ATRN: variants seen among roughly 807,000 people sequenced by gnomAD.
ATRN encodes attractin.
A neutral mutation model predicts 178.7 loss-of-function variants in ATRN; 54 were observed. The ratio of observed to expected loss-of-function variants is 0.30; its 90% CI spans 0.24 to 0.38. The LOEUF is 0.38. Among genes scored for constraint, ATRN ranks in the 10% least tolerant of loss-of-function variants. ATRN has a pLI of 1.00. For synonymous variants in ATRN, 636 were observed against 663.0 expected (o/e 0.96, Z 0.63); for missense variants, 1,443 against 1,815.1 (o/e 0.79, Z 3.73).
intron 24 of ATRN, among the ~76,000 whole-genome samples, chr20:3,618,862 G>GA (rs1265589088): frequency 6.6e-6 from 1 of 151,984 alleles, no homozygotes; most frequent in Non-Finnish European, 1.5e-5. Context: ...CGTTTTTTAA[G>GA]AAAAAAGGAA....
At chr20:3,576,369 A>C (rs947914934) in intron 13 of ATRN, among the ~76,000 whole-genome samples, 1 of 152,208 alleles carries the variant, frequency 6.6e-6, no homozygotes, top group Non-Finnish European at 1.5e-5. Context: ...GTTTGGCATA[A>C]TCTCACTGCT....
At chr20:3,548,278 T>C (rs2085737222) in intron 5 of ATRN, among the ~76,000 whole-genome samples, 1 of 152,066 alleles carries the variant, frequency 6.6e-6, no homozygotes. Context: ...CAACCATGTG[T>C]AGAAAATATT....
chr20:3,571,720 G>A (rs926570635), intron 11 of ATRN, among the ~76,000 whole-genome samples: 12 of 152,012 alleles, frequency 7.9e-5, no homozygotes, highest in Non-Finnish European at 1.8e-4. Context: ...CTCTATGTTA[G>A]GGATAGTCCT....
At position 3,500,450 on chromosome 20, in the gene ATRN, T is replaced by C. The variant is rs1179402934; in HGVS notation, c.410+28933T>C. 4.7e-4 allele frequency among the ~76,000 whole-genome samples: 71 copies of C among 151,756 alleles called. 2 individuals carry two copies. In the East Asian group the frequency reaches 0.013, roughly 29 times the overall value. On this transcript the variant is annotated intron_variant, in intron 1 of 28. Coordinates refer to ENST00000262919, the MANE Select transcript of ATRN (RefSeq NM_139321.3). ...TGGAACCAACCCAAATGTCCAACAA[T>C]GATAGACTGGATTAAGAAAATGTGG... is the stretch of plus-strand genomic sequence containing the variant.
At chr20:3,484,909 A>AATAATT (rs2084669551) in intron 1 of ATRN, among the ~76,000 whole-genome samples, 1 of 143,984 alleles carries the variant, frequency 6.9e-6, no homozygotes, top group African/African-American at 2.6e-5. Flanking sequence ...TGGATTTTAA[A>AATAATT]ATTATTATTA....
rs1259786919 is a variant in ATRN, at chr20:3,549,158, T to C, written c.944-12T>C. The C allele has an allele frequency of 1.9e-6, 3 of 1,569,830 alleles. No individual in the cohort carries two copies. In the East Asian group the frequency reaches 7.1e-5, roughly 37 times the overall value. On this transcript the variant is annotated splice_polypyrimidine_tract_variant and intron_variant, in intron 5 of 28. Transcript: ENST00000262919. ...TGTCTTTTGTGAAGCTAATTCATTA[T>C]GTTTTTATTAGGTCCTGGATGTTCA...
intron 1 of ATRN, among the ~76,000 whole-genome samples, chr20:3,517,277 A>G (rs1016064911): frequency 6.6e-6 from 1 of 152,142 alleles, no homozygotes; most frequent in African/African-American, 2.4e-5. Flanking sequence ...TAGGTTACAT[A>G]TAATATGTAC....
intron 25 of ATRN, among the ~76,000 whole-genome samples, chr20:3,630,165 C>T (rs1175936774): frequency 6.6e-6 from 1 of 152,196 alleles, no homozygotes; most frequent in Non-Finnish European, 1.5e-5. Flanking sequence ...ACAAAAGACA[C>T]TCCTGTCCCT....
intron 1 of ATRN, among the ~76,000 whole-genome samples, chr20:3,491,374 G>C (rs2084791727): frequency 6.6e-6 from 1 of 152,192 alleles, no homozygotes; most frequent in Non-Finnish European, 1.5e-5. Flanking sequence ...CTCTGGCCTT[G>C]TCTTACTAAA....
At position 3,583,975 on chromosome 20, in the gene ATRN, G is replaced by C; in HGVS notation, c.2842G>C (p.Glu948Gln). The C allele has an allele frequency of 6.2e-7, 1 of 1,614,184 alleles. No individual in the cohort carries two copies. The highest frequency in any genetic ancestry group is 8.5e-7 in the Non-Finnish European group (1 of 1,180,014). ...TGGAGATTGCACCAGCGGCAGCTCT[G>C]AGTGCATGTGGTGCAGCAACATGAA... ...ACGDCTSGSS[E>Q]CMWCSNMKQC... The change falls in exon 17 of 29, where the codon GAG becomes CAG. Residue 948 changes from glutamate (E) to glutamine (Q), a missense_variant. This residue lies in a region of ATRN where 212 missense variants were observed against 330.7 expected (regional missense o/e 0.64). Transcript: ENST00000262919.
chr20:3,540,397 G>T, intron 3 of ATRN, 62 bp downstream of exon 3: 1 of 1,076,338 alleles, frequency 9.3e-7, no homozygotes, highest in Admixed American at 2.0e-5. Context: ...CATATCTTCT[G>T]GATTGCATTC....
chr20:3,598,074 G>T, intron 22 of ATRN, 74 bp downstream of exon 22: 1 of 979,950 alleles, frequency 1.0e-6, no homozygotes, highest in Non-Finnish European at 1.6e-6. Context: ...ACGGATGGAC[G>T]TACTGCCTTA....
intron 2 of ATRN, among the ~76,000 whole-genome samples, chr20:3,537,670 C>T (rs1189155084): frequency 6.7e-6 from 1 of 150,234 alleles, no homozygotes; most frequent in Non-Finnish European, 1.5e-5. Context: ...ACTCCCCCCA[C>T]CCCACGACAA....
chr20:3,643,248 A>G (rs1014309647), intron 27 of ATRN, among the ~76,000 whole-genome samples: 3 of 152,226 alleles, frequency 2.0e-5, no homozygotes, highest in Admixed American at 1.3e-4. Context: ...AACTCATGGA[A>G]GACATGAACA....
At chr20:3,535,626 C>CACACACAT (rs1491226542) in intron 2 of ATRN, among the ~76,000 whole-genome samples, 1,813 of 115,776 alleles carry the variant, frequency 0.016, 19 homozygotes, top group Non-Finnish European at 0.02. Flanking sequence ...CACACACACA[C>CACACACAT]ATATATATTT....
At chr20:3,631,747 G>A (rs1327666683) in intron 25 of ATRN, among the ~76,000 whole-genome samples, 1 of 152,228 alleles carries the variant, frequency 6.6e-6, no homozygotes, top group Non-Finnish European at 1.5e-5. Context: ...TCGCCTCTCA[G>A]CAGCAGCGGC....
intron 19 of ATRN, among the ~76,000 whole-genome samples, chr20:3,593,852 C>T (rs562384318): frequency 1.6e-4 from 24 of 152,192 alleles, no homozygotes; most frequent in African/African-American, 3.1e-4. Context: ...GCTTGTATTA[C>T]GTTGGATGAT....
chr20:3,501,326 C>G (rs1452941491), intron 1 of ATRN, among the ~76,000 whole-genome samples: 1 of 152,078 alleles, frequency 6.6e-6, no homozygotes, highest in African/African-American at 2.4e-5. Flanking sequence ...TTCTGTTTTT[C>G]TCTGCTGGAA....
intron 18 of ATRN, among the ~76,000 whole-genome samples, chr20:3,588,133 C>T (rs1187382083): frequency 2.6e-5 from 4 of 152,188 alleles, no homozygotes; most frequent in Non-Finnish European, 2.9e-5. Flanking sequence ...CAGGTGTGAG[C>T]CACCACGCCT....
Sources: gnomAD v4.1 joint callset for allele counts (sites outside exome capture counted in the v4.1 genomes callset) on GRCh38, gnomAD v4.1.1 for gene constraint, gnomAD v4.1.1 regional missense constraint, MANE v1.5 for transcripts, NCBI Gene and HGNC (gene_info 2026-07-23, HGNC 2026-07-21) for gene names.